The following ASB3 variants were observed in gnomAD, a reference collection of about 807,000 sequenced individuals.
The protein encoded by ASB3 is ankyrin repeat and SOCS box protein 3.
In ASB3, 41 loss-of-function variants were observed where a neutral mutation model predicts 54.5. That is an observed-to-expected ratio of 0.75 (90% CI 0.59 to 0.98). ASB3 has a LOEUF of 0.98. Among genes scored for constraint, ASB3 ranks in the 50% least tolerant of loss-of-function variants. The pLI is 0.00. For missense variants in ASB3, 733 were observed against 620.0 expected, an observed-to-expected ratio of 1.18 and a Z score of -1.94; for synonymous variants, 266 against 221.2, an observed-to-expected ratio of 1.20 and a Z score of -1.80.
Position 53,765,265 on chromosome 2 carries a change from T to C in ASB3, c.196+112A>G, listed in dbSNP as rs1225424222. 6 of 1,414,138 alleles carry C rather than the reference T, an allele frequency of 4.2e-6. No homozygotes were observed. The Admixed American group carries it at 6.5e-5, about 15-fold the overall frequency. The allele number at this position is 1,414,138 out of a possible 1,614,324, so 87.6% of individuals were successfully genotyped here. ...TAAATAAATTCAGGCAGTTATTTTA[T>C]GACTATAGAAAGGGAAACAAATACT... is the stretch of plus-strand genomic sequence containing the variant. On this transcript the variant is annotated intron_variant, in intron 2 of 9. Coordinates refer to ENST00000263634, the MANE Select transcript of ASB3 (RefSeq NM_016115.5).
intron 1 of ASB3, among the ~76,000 whole-genome samples, chr2:53,780,904 G>A (rs1001214815): frequency 6.6e-6 from 1 of 152,138 alleles, no homozygotes; most frequent in African/African-American, 2.4e-5. Flanking sequence ...AGAGAATAAT[G>A]GTTAACACTT....
chr2:53,686,485 C>T (rs1258425893), intron 9 of ASB3, among the ~76,000 whole-genome samples: 1 of 152,086 alleles, frequency 6.6e-6, no homozygotes, highest in Non-Finnish European at 1.5e-5. Flanking sequence ...GAAACCTTTC[C>T]TTCTAATCTT....
At chr2:53,696,032 A>C (rs1483070223) in intron 8 of ASB3, among the ~76,000 whole-genome samples, 3 of 152,190 alleles carry the variant, frequency 2.0e-5, no homozygotes, top group Non-Finnish European at 4.4e-5. Context: ...TTTGAATGTA[A>C]ATTTGATCAA....
chr2:53,698,623 C>A lies in ASB3; in HGVS notation c.1238+1648G>T, dbSNP rs138549235. On this transcript the variant is annotated intron_variant, in intron 8 of 9. Transcript: ENST00000263634. The stretch of plus-strand genomic sequence containing the variant: ...AAAGTCCTTAGGCATAGACACAGTT[C>A]ATCCCAGTTCTTCACTAATTAATAA... 3.7e-3 allele frequency among the ~76,000 whole-genome samples: 569 copies of A among 152,332 alleles called. 7 individuals carry two copies. Among genetic ancestry groups the A allele is most frequent in the African/African-American group, 0.013 (545 of 41,584 alleles).
intron 1 of ASB3, among the ~76,000 whole-genome samples, chr2:53,772,821 A>G (rs1674036702): frequency 6.6e-6 from 1 of 152,168 alleles, no homozygotes; most frequent in Non-Finnish European, 1.5e-5. Flanking sequence ...ATTAACATTA[A>G]GCCTAGTATC....
Position 53,786,931 on chromosome 2 carries a change from A to T in ASB3, c.-124T>A. The T allele has an allele frequency of 2.4e-6, 1 of 414,502 alleles. No individual in the cohort carries two copies. Among genetic ancestry groups the T allele is most frequent in the Non-Finnish European group, 4.3e-6 (1 of 232,306 alleles). 25.7% of individuals were successfully genotyped at this position (414,502 alleles called of 1,614,324 possible). A position where few individuals can be genotyped will look rare whatever the true frequency, so the allele number is the denominator to read the frequency against. ...CCCACCGCGATGCTGCAGCCGTCCGAAAACGAGAGACGCGCAGGCGACGTC... is the reference window on the plus strand; with the variant it reads ...CCCACCGCGATGCTGCAGCCGTCCGTAAACGAGAGACGCGCAGGCGACGTC... On this transcript the variant is annotated 5_prime_UTR_variant, in exon 1 of 10. Transcript: ENST00000263634.
chr2:53,742,486 A>G (rs1001604688), intron 3 of ASB3, among the ~76,000 whole-genome samples: 8 of 152,228 alleles, frequency 5.3e-5, no homozygotes, highest in Non-Finnish European at 8.8e-5. Flanking sequence ...CACAAACCAA[A>G]GGAAAATTGT....
At chr2:53,778,977 G>T (rs1034195454) in intron 1 of ASB3, among the ~76,000 whole-genome samples, 1 of 152,168 alleles carries the variant, frequency 6.6e-6, no homozygotes, top group African/African-American at 2.4e-5. Flanking sequence ...TTCCATAACG[G>T]TTGTACTAAT....
intron 1 of ASB3, among the ~76,000 whole-genome samples, chr2:53,765,885 C>T (rs781723856): frequency 6.6e-6 from 1 of 151,822 alleles, no homozygotes; most frequent in Non-Finnish European, 1.5e-5. Context: ...CCTGTTCATA[C>T]CCCACCACAA....
intron 9 of ASB3, among the ~76,000 whole-genome samples, chr2:53,693,356 T>G (rs1487099939): frequency 1.3e-5 from 2 of 152,158 alleles, no homozygotes; most frequent in Non-Finnish European, 2.9e-5. Context: ...AATAGTCTTT[T>G]AAAATATCAA....
chr2:53,727,196 G>A (rs1205190696), intron 5 of ASB3, among the ~76,000 whole-genome samples: 1 of 152,132 alleles, frequency 6.6e-6, no homozygotes, highest in South Asian at 2.1e-4. Flanking sequence ...ATAATTTTGG[G>A]GATTCCTCTT....
At chr2:53,716,202 G>A (rs568859343) in intron 6 of ASB3, among the ~76,000 whole-genome samples, 1 of 152,268 alleles carries the variant, frequency 6.6e-6, no homozygotes, top group South Asian at 2.1e-4. Context: ...GCTTTCTGGG[G>A]TCAGAGAGGT....
At chr2:53,679,995 A>G (rs1299384369) in intron 9 of ASB3, among the ~76,000 whole-genome samples, 1 of 152,052 alleles carries the variant, frequency 6.6e-6, no homozygotes, top group Non-Finnish European at 1.5e-5. Flanking sequence ...CATGTAGTAC[A>G]TGGTTTTCTG....
intron 1 of ASB3, among the ~76,000 whole-genome samples, chr2:53,777,975 C>T (rs939879208): frequency 2.6e-5 from 4 of 151,732 alleles, no homozygotes; most frequent in South Asian, 2.1e-4. Context: ...GGTGAAACCC[C>T]GTCTCTACCA....
chr2:53,721,198 G>A (rs1670687467), intron 5 of ASB3, among the ~76,000 whole-genome samples: 1 of 150,918 alleles, frequency 6.6e-6, no homozygotes, highest in African/African-American at 2.4e-5. Flanking sequence ...TCAGACCACA[G>A]TAGAATAAAA....
At chr2:53,688,521 C>A (rs1343469796) in intron 9 of ASB3, among the ~76,000 whole-genome samples, 1 of 152,204 alleles carries the variant, frequency 6.6e-6, no homozygotes, top group East Asian at 1.9e-4. Flanking sequence ...ACTCAGTTAA[C>A]TGAGGTCTGT....
intron 1 of ASB3, chr2:53,767,755 C>T (rs1673574527): frequency 4.8e-6 from 5 of 1,046,440 alleles, no homozygotes; most frequent in Non-Finnish European, 6.9e-6. Flanking sequence ...ACTCCCAGTG[C>T]GCTTTGCGCC....
At position 53,670,579 on chromosome 2, in the gene ASB3, AGGCT is replaced by A. The variant is rs1243715955; in HGVS notation, c.1477_1480del (p.Ser493TyrfsTer11). The stretch of plus-strand genomic sequence containing the variant: ...GTCTTCATAGAGCAAATAATTATGT[AGGCT>A]TCTGGGAAGTGGCAGCTGACTAATA... On this transcript the variant is annotated frameshift_variant, in exon 10 of 10. Transcript: ENST00000263634. LOFTEE classifies it high-confidence loss of function. 7 of 1,614,048 alleles carry A rather than the reference AGGCT, an allele frequency of 4.3e-6. No individual in the cohort carries two copies. Among genetic ancestry groups the A allele is most frequent in the Non-Finnish European group, 5.1e-6 (6 of 1,180,002 alleles).
chr2:53,721,398 CAAAAAAAAAA>C (rs1195017138), intron 5 of ASB3, among the ~76,000 whole-genome samples: 1 of 87,362 alleles, frequency 1.1e-5, no homozygotes. Context: ...TACTAAACTA[CAAAAAAAAAA>C]AAAAAAAAAA....
Sources: allele counts gnomAD v4.1 joint callset (sites outside exome capture counted in the v4.1 genomes callset), GRCh38; gene constraint gnomAD v4.1.1; transcripts MANE v1.5; gene names NCBI Gene and HGNC (gene_info 2026-07-23, HGNC 2026-07-21).